Variants in RNF157 observed in about 807,000 individuals in gnomAD.
RNF157 encodes E3 ubiquitin ligase RNF157.
In RNF157, 55 loss-of-function variants were observed where a neutral mutation model predicts 88.3. That is an observed-to-expected ratio of 0.62 (90% confidence interval 0.50 to 0.78). The LOEUF (loss-of-function observed/expected upper bound fraction) is 0.78. Among genes scored for constraint, RNF157 ranks in the 30% least tolerant of loss-of-function variants. The pLI is 0.00. For missense variants in RNF157, 788 were observed against 860.8 expected, an observed-to-expected ratio of 0.92 and a Z score of 1.06; for synonymous variants, 334 against 341.2, an observed-to-expected ratio of 0.98 and a Z score of 0.23.
chr17:76,220,907 G>A (rs1387548120), intron 1 of RNF157, among the ~76,000 whole-genome samples: 4 of 151,520 alleles, frequency 2.6e-5, no homozygotes, highest in African/African-American at 9.7e-5. Flanking sequence ...GTAGTGAGCC[G>A]AGATTGCGCC....
Position 76,160,679 on chromosome 17 carries a change from A to G in RNF157, c.1065+856T>C, listed in dbSNP as rs1049578948. ...TACACACATTGTAAATAGTTTTTAA[A>G]AAAACACTATTTGTTGTCTAACTTT... is the stretch of plus-strand genomic sequence containing the variant. On this transcript the variant is annotated intron_variant, in intron 11 of 18. Transcript: ENST00000269391. This position sits in a 1 kb window ranked among gnomAD's most constrained non-coding sequence, Gnocchi z 4.3. Among the ~76,000 whole-genome samples the G allele has an allele frequency of 6.6e-6, 1 of 152,210 alleles. No individual in the cohort carries two copies. Among genetic ancestry groups the G allele is most frequent in the Admixed American group, 6.6e-5 (1 of 15,266 alleles).
chr17:76,168,298 C>T (rs1598399692), intron 3 of RNF157, among the ~76,000 whole-genome samples: 1 of 152,176 alleles, frequency 6.6e-6, no homozygotes. Flanking sequence ...CGCCATCCCC[C>T]CAGTGTAGCT....
chr17:76,180,479 A>T (rs2069172175), intron 2 of RNF157, among the ~76,000 whole-genome samples: 1 of 152,246 alleles, frequency 6.6e-6, no homozygotes, highest in Non-Finnish European at 1.5e-5. Context: ...TCATGAAAAA[A>T]GAGAATGTAA....
At chr17:76,183,536 A>G (rs1448304084) in intron 2 of RNF157, among the ~76,000 whole-genome samples, 2 of 152,010 alleles carry the variant, frequency 1.3e-5, no homozygotes, top group African/African-American at 4.8e-5. Flanking sequence ...ACCATAGTGC[A>G]CTACAGCCTT....
intron 2 of RNF157, among the ~76,000 whole-genome samples, chr17:76,175,996 A>G (rs1021656492): frequency 3.3e-5 from 5 of 152,200 alleles, no homozygotes; most frequent in African/African-American, 1.2e-4. Flanking sequence ...CTCTCCCTGT[A>G]CACACACATA....
chr17:76,228,241 G>C (rs890933988), intron 1 of RNF157, among the ~76,000 whole-genome samples: 1 of 152,130 alleles, frequency 6.6e-6, no homozygotes, highest in Non-Finnish European at 1.5e-5. Flanking sequence ...ACAGCATTTA[G>C]AGAAAGGCAC....
In RNF157 at chr17:76,176,862, G is replaced by A. The variant is rs1015362859; in HGVS notation, c.208-3072C>T. Among the ~76,000 whole-genome samples, 4 of 152,142 alleles carry A rather than the reference G, an allele frequency of 2.6e-5. No individual in the cohort carries two copies. Among genetic ancestry groups the A allele is most frequent in the South Asian group, 4.1e-4 (2 of 4,834 alleles). On this transcript the variant is annotated intron_variant, in intron 2 of 18. Transcript: ENST00000269391. This position sits in a 1 kb window ranked among gnomAD's most constrained non-coding sequence, Gnocchi z 4.2. ...CGGGCAGGAAGTGGGAGCAGCTTCCGCTTCGGGCACCTGGCCATTGGCGCA... is the reference window on the plus strand; with the variant it reads ...CGGGCAGGAAGTGGGAGCAGCTTCCACTTCGGGCACCTGGCCATTGGCGCA...
At chr17:76,167,382 A>G (rs769324013) in intron 4 of RNF157, among the ~76,000 whole-genome samples, 21 of 152,230 alleles carry the variant, frequency 1.4e-4, no homozygotes, top group Non-Finnish European at 2.8e-4. Flanking sequence ...ACCATTTGTC[A>G]CTATACCAAG....
chr17:76,236,917 T>G (rs1417389593), intron 1 of RNF157, among the ~76,000 whole-genome samples: 1 of 152,142 alleles, frequency 6.6e-6, no homozygotes, highest in Non-Finnish European at 1.5e-5. Flanking sequence ...CACAAGAAAC[T>G]CTAAAAGAAT....
intron 13 of RNF157, chr17:76,156,579 A>G: frequency 1.0e-6 from 1 of 962,940 alleles, no homozygotes; most frequent in Non-Finnish European, 1.2e-6. Context: ...CGGCCATACA[A>G]AGACTGCAGC....
Position 76,173,748 on chromosome 17 carries a change from G to A in RNF157, c.250C>T (p.Leu84=), listed in dbSNP as rs2069057167. 1 of 1,611,330 alleles carries A rather than the reference G, an allele frequency of 6.2e-7. No homozygotes were observed. The highest frequency in any genetic ancestry group is 1.1e-5 in the South Asian group (1 of 90,540). Residue 84 remains leucine (L), a synonymous_variant, in exon 3 of 19, where the codon CTG becomes TTG. Coordinates refer to ENST00000269391, the MANE Select transcript of RNF157 (RefSeq NM_052916.3). ...APPPQEPVKT[L]RSLVNIRKDT... ...TTTCGGATATTGACCAGGCTTCTCA[G>A]AGTCTTCACGGGTTCTTGGGGAGGT...
In RNF157 at chr17:76,240,317, G is replaced by C. The variant is rs1230967611; in HGVS notation, c.-77C>G. 4 of 695,256 alleles carry C rather than the reference G, an allele frequency of 5.8e-6. No individual in the cohort carries two copies. The African/African-American group carries it at 7.9e-5, about 14-fold the overall frequency. The allele number at this position is 695,256 out of a possible 1,614,324, so 43.1% of individuals were successfully genotyped here. On this transcript the variant is annotated 5_prime_UTR_variant, in exon 1 of 19. Transcript: ENST00000269391. The surrounding 1 kb of genome is among the most constrained non-coding windows in gnomAD (Gnocchi z 4.4). ...GCGCTTCACCGCGGCCGCCCGCCCC[G>C]CGCCCGGTGCGGGGGCCGACTGCCC...
chr17:76,217,960 G>A (rs1175845248), intron 1 of RNF157, among the ~76,000 whole-genome samples: 1 of 152,132 alleles, frequency 6.6e-6, no homozygotes, highest in African/African-American at 2.4e-5. Flanking sequence ...CAAGTACATA[G>A]TTTTAGTTTT....
Position 76,159,514 on chromosome 17 carries a change from C to T in RNF157, c.1125G>A (p.Gly375=), listed in dbSNP as rs763617415. The part of the protein sequence containing the change: ...EVVSLLEALN[G]PLTPSPAVPP... ...GAACTGCTGGGGACGGGGTGAGGGG[C>T]CCGTTGAGGGCCTCCAGAAGAGATA... Residue 375 remains glycine, a synonymous_variant, in exon 12 of 19, where the codon GGG becomes GGA. Coordinates refer to ENST00000269391, the MANE Select transcript of RNF157 (RefSeq NM_052916.3). The T allele has an allele frequency of 2.5e-6, 4 of 1,606,466 alleles. No individual in the cohort carries two copies. In the South Asian group the frequency reaches 3.4e-5, roughly 13 times the overall value.
chr17:76,233,551 T>C (rs2070231790), intron 1 of RNF157, among the ~76,000 whole-genome samples: 1 of 152,218 alleles, frequency 6.6e-6, no homozygotes, highest in Non-Finnish European at 1.5e-5. Context: ...TTTATTTTTT[T>C]ATTAGTGACA....
chr17:76,211,085 G>T (rs977919404), intron 2 of RNF157, among the ~76,000 whole-genome samples: 1 of 152,250 alleles, frequency 6.6e-6, no homozygotes, highest in African/African-American at 2.4e-5. Flanking sequence ...GATTACAGGT[G>T]TTGGCCACTG....
intron 2 of RNF157, among the ~76,000 whole-genome samples, chr17:76,183,221 G>C (rs1440681263): frequency 1.3e-5 from 2 of 152,098 alleles, no homozygotes; most frequent in Non-Finnish European, 2.9e-5. Context: ...CCAGGTGTGA[G>C]CCACCACGCC....
intron 8 of RNF157, 62 bp from the exon 9 acceptor site, chr17:76,162,685 C>T (rs1219156331): frequency 1.6e-6 from 2 of 1,220,222 alleles, no homozygotes; most frequent in South Asian, 1.4e-5. Flanking sequence ...AGAGTGGGAA[C>T]TCCCTCCAAT....
At chr17:76,185,271 T>C (rs2069261977) in intron 2 of RNF157, among the ~76,000 whole-genome samples, 1 of 152,194 alleles carries the variant, frequency 6.6e-6, no homozygotes, top group African/African-American at 2.4e-5. Context: ...GCTAAAACCT[T>C]CTACCCAATC....
Sources: allele counts gnomAD v4.1 joint callset (sites outside exome capture counted in the v4.1 genomes callset), GRCh38; gene constraint gnomAD v4.1.1; non-coding constraint Gnocchi (gnomAD v3.1); transcripts MANE v1.5; gene names NCBI Gene and HGNC (gene_info 2026-07-23, HGNC 2026-07-21).